The following FHOD3 variants were observed in gnomAD, a reference collection of about 807,000 sequenced individuals.
The protein encoded by FHOD3 is formin homology 2 domain containing 3, also known as FH1/FH2 domain-containing protein 3.
FHOD3 carries 90 observed loss-of-function variants against 173.0 expected under a neutral mutation model. That is an observed-to-expected ratio of 0.52 (90% CI 0.44 to 0.62). FHOD3 has a LOEUF of 0.62. Among genes scored for constraint, FHOD3 ranks in the 20% least tolerant of loss-of-function variants. The pLI, the probability that FHOD3 is intolerant of heterozygous loss-of-function variation, is 0.00. For synonymous variants in FHOD3, 828 were observed against 823.0 expected (o/e 1.01, Z -0.10); for missense variants, 1,945 against 2,034.7 (o/e 0.96, Z 0.85).
intron 26 of FHOD3, 52 bp from the exon 27 acceptor site, chr18:36,760,556 T>C: frequency 1.4e-6 from 2 of 1,446,750 alleles, no homozygotes; most frequent in Non-Finnish European, 1.8e-6. Flanking sequence ...GAAGCTTGAG[T>C]TGTCTTTTTG....
At chr18:36,647,661 A>G (rs574594042) in intron 10 of FHOD3, among the ~76,000 whole-genome samples, 27 of 152,342 alleles carry the variant, frequency 1.8e-4, no homozygotes, top group African/African-American at 6.0e-4. Context: ...TTATGACAGC[A>G]CTATTCAAAA....
chr18:36,679,597 T>G (rs2038099430), intron 14 of FHOD3, among the ~76,000 whole-genome samples: 1 of 152,188 alleles, frequency 6.6e-6, no homozygotes, highest in African/African-American at 2.4e-5. Flanking sequence ...TTTTTCATTA[T>G]GGTACCCTTT....
intron 3 of FHOD3, among the ~76,000 whole-genome samples, chr18:36,377,040 G>A (rs1036302561): frequency 2.0e-5 from 3 of 152,168 alleles, no homozygotes; most frequent in African/African-American, 4.8e-5. Context: ...ACATATGTGT[G>A]CCATGAGGTG....
intron 3 of FHOD3, among the ~76,000 whole-genome samples, chr18:36,375,985 G>A (rs1019370221): frequency 7.2e-5 from 11 of 152,256 alleles, no homozygotes; most frequent in South Asian, 6.2e-4. Flanking sequence ...TGGTCATATC[G>A]TGGGCATACA....
intron 1 of FHOD3, among the ~76,000 whole-genome samples, chr18:36,310,464 T>G (rs530221484): frequency 9.9e-5 from 15 of 152,034 alleles, no homozygotes; most frequent in Admixed American, 9.8e-4. Context: ...GGTGGGTGGA[T>G]CACCTGAGGT....
chr18:36,752,301 C>T lies in FHOD3; in HGVS notation c.4233-2818C>T, dbSNP rs938147874. 3.9e-5 allele frequency among the ~76,000 whole-genome samples: 6 copies of T among 152,172 alleles called. No homozygotes were observed. The East Asian group carries it at 7.7e-4, about 20-fold the overall frequency. ...TCCTGGGAGGCCTAGCAAACTACAG[C>T]AATGGACTGCCATTCAAGGGGGAGA... On this transcript the variant is annotated intron_variant, in intron 24 of 28. Coordinates refer to ENST00000590592, the MANE Select transcript of FHOD3 (RefSeq NM_001281740.3).
chr18:36,505,298 G>A (rs2146142813), intron 4 of FHOD3, among the ~76,000 whole-genome samples: 1 of 152,370 alleles, frequency 6.6e-6, no homozygotes, highest in South Asian at 2.1e-4. Flanking sequence ...GAGAAACTGG[G>A]CAGTGGCGTA....
chr18:36,506,632 A>T (rs1164462051), intron 4 of FHOD3, among the ~76,000 whole-genome samples: 2 of 152,204 alleles, frequency 1.3e-5, no homozygotes, highest in African/African-American at 4.8e-5. Context: ...GGCAAATTGA[A>T]ATAGCTAAAA....
At chr18:36,478,430 C>T (rs912581844) in intron 3 of FHOD3, among the ~76,000 whole-genome samples, 2 of 152,192 alleles carry the variant, frequency 1.3e-5, no homozygotes, top group African/African-American at 4.8e-5. Context: ...CAATCATACT[C>T]TTCTAGTTAT....
At chr18:36,483,143 G>A (rs1265311014) in intron 3 of FHOD3, among the ~76,000 whole-genome samples, 2 of 152,084 alleles carry the variant, frequency 1.3e-5, no homozygotes, top group Non-Finnish European at 2.9e-5. Context: ...GGGATTTTGG[G>A]GAATTTTGCC....
intron 15 of FHOD3, among the ~76,000 whole-genome samples, chr18:36,683,597 G>C (rs1376718017): frequency 1.3e-5 from 2 of 152,210 alleles, no homozygotes; most frequent in East Asian, 3.8e-4. Flanking sequence ...CCCAAACCTA[G>C]AAGTGTATGT....
At chr18:36,350,062 G>C (rs1385803384) in intron 1 of FHOD3, among the ~76,000 whole-genome samples, 1 of 152,184 alleles carries the variant, frequency 6.6e-6, no homozygotes, top group South Asian at 2.1e-4. Context: ...ACAGGCATGA[G>C]GCATCATGCC....
intron 3 of FHOD3, among the ~76,000 whole-genome samples, chr18:36,482,858 C>CACACACACAGAGAGAGAG (rs1400178557): frequency 7.7e-6 from 1 of 130,456 alleles, no homozygotes; most frequent in African/African-American, 3.1e-5. Flanking sequence ...CACACACACA[C>CACACACACAGAGAGAGAG]AGAGAGAGAG....
chr18:36,435,722 C>T (rs1233523644), intron 3 of FHOD3, among the ~76,000 whole-genome samples: 2 of 152,140 alleles, frequency 1.3e-5, no homozygotes, highest in Non-Finnish European at 2.9e-5. Context: ...TTAAAGAATG[C>T]ACAGATTTGC....
At chr18:36,458,485 G>GAGATA (rs1374254386) in intron 3 of FHOD3, among the ~76,000 whole-genome samples, 20 of 152,034 alleles carry the variant, frequency 1.3e-4, no homozygotes, top group Non-Finnish European at 2.5e-4. Context: ...CCACAGAGAT[G>GAGATA]ATTAAAAACC....
At chr18:36,624,803 A>G (rs1164955241) in intron 9 of FHOD3, among the ~76,000 whole-genome samples, 1 of 152,208 alleles carries the variant, frequency 6.6e-6, no homozygotes, top group Admixed American at 6.5e-5. Context: ...CACTCTTAGG[A>G]AACTTTAAAA....
At chr18:36,612,345 G>C (rs866203086) in intron 9 of FHOD3, among the ~76,000 whole-genome samples, 3 of 152,286 alleles carry the variant, frequency 2.0e-5, no homozygotes, top group African/African-American at 7.2e-5. Context: ...AGGGGAAATT[G>C]GTTAGCTATT....
chr18:36,584,868 A>C (rs141042438), intron 6 of FHOD3, among the ~76,000 whole-genome samples: 1 of 152,310 alleles, frequency 6.6e-6, no homozygotes, highest in East Asian at 1.9e-4. Context: ...TGTGATTACA[A>C]AAATAACATA....
intron 16 of FHOD3, among the ~76,000 whole-genome samples, chr18:36,690,611 T>C (rs927832716): frequency 5.9e-5 from 9 of 152,142 alleles, no homozygotes; most frequent in African/African-American, 2.2e-4. Flanking sequence ...GCCTGTGGCA[T>C]GGCCGTCTCC....
Sources: gnomAD v4.1 joint callset for allele counts (sites outside exome capture counted in the v4.1 genomes callset) on GRCh38, gnomAD v4.1.1 for gene constraint, MANE v1.5 for transcripts, NCBI Gene and HGNC (gene_info 2026-07-23, HGNC 2026-07-21) for gene names.